RING1: variants seen among roughly 807,000 people sequenced by gnomAD.
The protein encoded by RING1 is E3 ubiquitin-protein ligase RING1.
A neutral mutation model predicts 35.0 loss-of-function variants in RING1; 8 were observed. The ratio of observed to expected loss-of-function variants is 0.23; its 90% CI spans 0.13 to 0.41. RING1 has a LOEUF of 0.41. RING1 is among the 10% of genes least tolerant of loss of function. The probability of loss-of-function intolerance (pLI) is 1.00; values close to 1 mark genes in which losing one functional copy is unlikely to be tolerated. For missense variants in RING1, 343 were observed against 546.8 expected (o/e 0.63, Z 3.72); for synonymous variants, 214 against 224.3 (o/e 0.95, Z 0.41).
chr6:33,209,635 A>G lies in RING1; in HGVS notation c.88A>G (p.Met30Val). ...ELHRTPQEAIMDGTEIAVSPR... is the reference protein window; with the variant it reads ...ELHRTPQEAIVDGTEIAVSPR... Reference sequence around the variant, plus strand: ...TCACTGATGCCTTCAGGAAGCCATAATGGATGGCACAGAGATTGCTGTTTC... The same window carrying G: ...TCACTGATGCCTTCAGGAAGCCATAGTGGATGGCACAGAGATTGCTGTTTC... Residue 30 changes from methionine (M) to valine (V), a missense_variant, in exon 3 of 7, where the codon ATG becomes GTG. Met to Val is a conservative substitution (Grantham distance 21). Around this residue, in one of 2 missense-constraint regions of RING1, gnomAD observed 65 missense variants for 163.3 expected, o/e 0.40. Transcript: ENST00000374656. This position sits in a 1 kb window ranked among gnomAD's most constrained non-coding sequence, Gnocchi z 5.1. The G allele has an allele frequency of 6.2e-7, 1 of 1,612,742 alleles. No individual in the cohort carries two copies. The highest frequency in any genetic ancestry group is 1.1e-5 in the South Asian group (1 of 91,076).
In RING1 at chr6:33,209,754, C is replaced by T. The variant is rs761056004; in HGVS notation, c.207C>T (p.Cys69=). 1 of 1,613,814 alleles carries T rather than the reference C, an allele frequency of 6.2e-7. No homozygotes were observed. ...CCAAGGAGTGCCTCCACAGATTCTG[C>T]TCTGACTGCATTGTCACAGCCCTAC... The part of the protein sequence containing the change: ...MTTKECLHRF[C]SDCIVTALRS... Residue 69 remains cysteine (C), a synonymous_variant, in exon 3 of 7, where the codon TGC becomes TGT. Coordinates refer to ENST00000374656, the MANE Select transcript of RING1 (RefSeq NM_002931.4). The surrounding 1 kb of genome is among the most constrained non-coding windows in gnomAD (Gnocchi z 5.1).
At chr6:33,210,753 A>T (rs1001766461) in intron 4 of RING1, among the ~76,000 whole-genome samples, 1 of 152,174 alleles carries the variant, frequency 6.6e-6, no homozygotes, top group Non-Finnish European at 1.5e-5. Context: ...TCAGTCTTTC[A>T]TGTGTATCCA....
In RING1 at chr6:33,209,801, A is replaced by G; in HGVS notation, c.239+15A>G. On this transcript the variant is annotated intron_variant, in intron 3 of 6. Transcript: ENST00000374656. This position sits in a 1 kb window ranked among gnomAD's most constrained non-coding sequence, Gnocchi z 5.1. ...CTACGGAGCGGGTAATAGGAGAGACATGTTTGAGATGAGATGAAGGGGTAC... is the reference window on the plus strand; with the variant it reads ...CTACGGAGCGGGTAATAGGAGAGACGTGTTTGAGATGAGATGAAGGGGTAC... 1 of 1,613,248 alleles carries G rather than the reference A, an allele frequency of 6.2e-7. No individual in the cohort carries two copies. The highest frequency in any genetic ancestry group is 2.2e-5 in the East Asian group (1 of 44,860).
At position 33,208,999 on chromosome 6, in the gene RING1, G is replaced by A; in HGVS notation, c.78+99G>A. The stretch of plus-strand genomic sequence containing the variant: ...TCTTTTCCGTAATTTGCTCTATTCT[G>A]CCTTGCCTGGCCCTACCTTTGAATC... On this transcript the variant is annotated intron_variant, in intron 2 of 6. Coordinates refer to ENST00000374656, the MANE Select transcript of RING1 (RefSeq NM_002931.4). This position sits in a 1 kb window ranked among gnomAD's most constrained non-coding sequence, Gnocchi z 6.2. 1 of 968,880 alleles carries A rather than the reference G, an allele frequency of 1.0e-6. No homozygotes were observed. The highest frequency in any genetic ancestry group is 1.4e-5 in the South Asian group (1 of 72,706). The allele number at this position is 968,880 out of a possible 1,614,324, so 60.0% of individuals were successfully genotyped here.
Position 33,211,362 on chromosome 6 carries a change from TGGTGGGGTG to T in RING1, c.668_676del (p.Val223_Gly225del). 2.0e-6 allele frequency: 2 copies of T among 986,310 alleles called. No individual in the cohort carries two copies. The highest frequency in any genetic ancestry group is 2.7e-6 in the Non-Finnish European group (2 of 748,180). The allele number at this position is 986,310 out of a possible 1,614,324, so 61.1% of individuals were successfully genotyped here. A position where few individuals can be genotyped will look rare whatever the true frequency, so the allele number is the denominator to read the frequency against. On this transcript the variant is annotated inframe_deletion, in exon 5 of 7. Coordinates refer to ENST00000374656, the MANE Select transcript of RING1 (RefSeq NM_002931.4). The surrounding 1 kb of genome is among the most constrained non-coding windows in gnomAD (Gnocchi z 6.3). ...GTGTAGGGACAGGGGGAGGCGGCAC[TGGTGGGGTG>T]GGTGGGGGTGCCGGTTCGGAAGACT...
At position 33,212,593 on chromosome 6, in the gene RING1, C is replaced by T. The variant is rs1008238979; in HGVS notation, c.*194C>T. The T allele has an allele frequency of 4.1e-6, 2 of 485,676 alleles. No homozygotes were observed. Among genetic ancestry groups the T allele is most frequent in the East Asian group, 3.1e-5 (1 of 31,874 alleles). 30.1% of individuals were successfully genotyped at this position (485,676 alleles called of 1,614,324 possible). On this transcript the variant is annotated 3_prime_UTR_variant, in exon 7 of 7. Coordinates refer to ENST00000374656, the MANE Select transcript of RING1 (RefSeq NM_002931.4). ...TTGTACAGAGTGGGGCAAAACACGCCCCCATCTGCTGCCTTTTCTATTGCC... is the reference window on the plus strand; with the variant it reads ...TTGTACAGAGTGGGGCAAAACACGCTCCCATCTGCTGCCTTTTCTATTGCC...
chr6:33,210,614 C>CAA (rs746713399), intron 4 of RING1, among the ~76,000 whole-genome samples: 16 of 116,670 alleles, frequency 1.4e-4, no homozygotes, highest in Non-Finnish European at 2.4e-4. Flanking sequence ...GGCCCTGTCA[C>CAA]AAAAAAAAAA....
Position 33,209,796 on chromosome 6 carries a change from GA to G in RING1, c.239+11del, listed in dbSNP as rs1311007137. On this transcript the variant is annotated intron_variant, in intron 3 of 6. Coordinates refer to ENST00000374656, the MANE Select transcript of RING1 (RefSeq NM_002931.4). This position sits in a 1 kb window ranked among gnomAD's most constrained non-coding sequence, Gnocchi z 5.1. Reference sequence around the variant, plus strand: ...CAGCCCTACGGAGCGGGTAATAGGAGAGACATGTTTGAGATGAGATGAAGGG... The same window carrying G: ...CAGCCCTACGGAGCGGGTAATAGGAGGACATGTTTGAGATGAGATGAAGGG... 3 of 1,613,620 alleles carry G rather than the reference GA, an allele frequency of 1.9e-6. No individual in the cohort carries two copies. The highest frequency in any genetic ancestry group is 2.5e-6 in the Non-Finnish European group (3 of 1,179,578).
chr6:33,211,078 T>A lies in RING1; in HGVS notation c.456-80T>A, dbSNP rs1775491270. The A allele has an allele frequency of 6.9e-7, 1 of 1,449,042 alleles. No individual in the cohort carries two copies. The allele number at this position is 1,449,042 out of a possible 1,614,324, so 89.8% of individuals were successfully genotyped here. A position where few individuals can be genotyped will look rare whatever the true frequency, so the allele number is the denominator to read the frequency against. On this transcript the variant is annotated intron_variant, in intron 4 of 6. Transcript: ENST00000374656. This position sits in a 1 kb window ranked among gnomAD's most constrained non-coding sequence, Gnocchi z 6.3. ...TTAGGTATCGTCATTAGGATTTTTC[T>A]TATCTCTTAATTCTCTGAAGTTTAA...
chr6:33,212,121 C>G lies in RING1; in HGVS notation c.1119+119C>G. On this transcript the variant is annotated intron_variant, in intron 6 of 6. Transcript: ENST00000374656. Reference sequence around the variant, plus strand: ...CTCTTCCCCTATACATCCTCTATCTCTTTCTATGTCCCCTCTCCTTTCCCA... The same window carrying G: ...CTCTTCCCCTATACATCCTCTATCTGTTTCTATGTCCCCTCTCCTTTCCCA... 6 of 891,656 alleles carry G rather than the reference C, an allele frequency of 6.7e-6. No individual in the cohort carries two copies. In the South Asian group the frequency reaches 1.0e-4, roughly 15 times the overall value. 55.2% of individuals were successfully genotyped at this position (891,656 alleles called of 1,614,324 possible). A position where few individuals can be genotyped will look rare whatever the true frequency, so the allele number is the denominator to read the frequency against.
Position 33,211,798 on chromosome 6 carries a change from C to G in RING1, c.915C>G (p.Leu305=), listed in dbSNP as rs144154291. ...AGTACTTGGCCCTGCGCATTGCCCT[C>G]GAGCGGAGGCAACAGCAGGAAGCAG... ...LSKYLALRIA[L]ERRQQQEAGE... is the part of the protein sequence containing the mutation. The change falls in exon 6 of 7, where the codon CTC becomes CTG. Residue 305 remains leucine, a synonymous_variant. Transcript: ENST00000374656. This position sits in a 1 kb window ranked among gnomAD's most constrained non-coding sequence, Gnocchi z 6.3. 7 of 1,602,032 alleles carry G rather than the reference C, an allele frequency of 4.4e-6. No individual in the cohort carries two copies. Among genetic ancestry groups the G allele is most frequent in the South Asian group, 3.4e-5 (3 of 89,366 alleles).
rs982336029 is a variant in RING1 at position 33,211,388 on chromosome 6, C to T, written c.686C>T (p.Ser229Leu). ...GGTGGGGTGGGTGGGGGTGCCGGTT[C>T]GGAAGACTCTGGTGACCGGGGAGGG... ...GTGGVGGGAG[S>L]EDSGDRGGTL... The change falls in exon 5 of 7, where the codon TCG becomes TTG. Residue 229 changes from serine to leucine, a missense_variant. Transcript: ENST00000374656. This position sits in a 1 kb window ranked among gnomAD's most constrained non-coding sequence, Gnocchi z 6.3. 8.6e-6 allele frequency: 13 copies of T among 1,518,312 alleles called. No homozygotes were observed. Among genetic ancestry groups the T allele is most frequent in the African/African-American group, 4.2e-5 (3 of 70,922 alleles). The allele number at this position is 1,518,312 out of a possible 1,614,324, so 94.1% of individuals were successfully genotyped here.
rs781245294 is a variant in RING1 at position 33,209,822 on chromosome 6, G to A, written c.239+36G>A. The A allele has an allele frequency of 4.4e-6, 7 of 1,609,058 alleles. No individual in the cohort carries two copies. The Admixed American group carries it at 1.0e-4, about 23-fold the overall frequency. On this transcript the variant is annotated intron_variant, in intron 3 of 6. Coordinates refer to ENST00000374656, the MANE Select transcript of RING1 (RefSeq NM_002931.4). The surrounding 1 kb of genome is among the most constrained non-coding windows in gnomAD (Gnocchi z 5.1). ...AGACATGTTTGAGATGAGATGAAGG[G>A]GTACAAAGTTAGGGCCCTCTCACTG...
At position 33,211,435 on chromosome 6, in the gene RING1, G is replaced by A. The variant is rs1173941990; in HGVS notation, c.733G>A (p.Gly245Ser). ...AGGGACTCTGGGAGGGGGAACGCTG[G>A]GCCCCCCAAGCCCTCCTGGGGCCCC... ...RGGTLGGGTLGPPSPPGAPSP... is the reference protein window; with the variant it reads ...RGGTLGGGTLSPPSPPGAPSP... Residue 245 changes from glycine to serine, a missense_variant, in exon 5 of 7, where the codon GGC becomes AGC. Physicochemically the swap from Gly to Ser is moderately conservative, Grantham distance 56. Coordinates refer to ENST00000374656, the MANE Select transcript of RING1 (RefSeq NM_002931.4). This position sits in a 1 kb window ranked among gnomAD's most constrained non-coding sequence, Gnocchi z 6.3. 1 of 1,579,180 alleles carries A rather than the reference G, an allele frequency of 6.3e-7. No homozygotes were observed. The highest frequency in any genetic ancestry group is 1.8e-5 in the Admixed American group (1 of 54,422).
Position 33,208,783 on chromosome 6 carries a change from C to T in RING1, c.-40C>T, listed in dbSNP as rs761847933. 1 of 1,534,972 alleles carries T rather than the reference C, an allele frequency of 6.5e-7. No homozygotes were observed. The highest frequency in any genetic ancestry group is 1.2e-5 in the South Asian group (1 of 81,048). ...CCCCCAGCCTTCTTCGCCTTCTCCT[C>T]GGCTGTGGAGCCCTGGTGGGGGGTC... On this transcript the variant is annotated 5_prime_UTR_variant, in exon 2 of 7. Coordinates refer to ENST00000374656, the MANE Select transcript of RING1 (RefSeq NM_002931.4). The surrounding 1 kb of genome is among the most constrained non-coding windows in gnomAD (Gnocchi z 6.2).
At position 33,211,991 on chromosome 6, in the gene RING1, G is replaced by A. The variant is rs779320607; in HGVS notation, c.1108G>A (p.Gly370Arg). 5.2e-6 allele frequency: 8 copies of A among 1,538,786 alleles called. No homozygotes were observed. The African/African-American group carries it at 6.8e-5, about 13-fold the overall frequency. ...QYTIYIAPGG[G>R]AFTTLNGSLT... The stretch of plus-strand genomic sequence containing the variant: ...CACCATCTACATCGCACCTGGAGGC[G>A]GGGCGTTCACGGTGAGAGCTTCTGA... The change falls in exon 6 of 7, where the codon GGG (glycine) becomes AGG (arginine). Residue 370 changes from glycine (G) to arginine (R), a missense_variant. By Grantham distance (125) the Gly-to-Arg change is moderately radical. Around this residue, in one of 2 missense-constraint regions of RING1, gnomAD observed 278 missense variants for 383.5 expected, o/e 0.72. Coordinates refer to ENST00000374656, the MANE Select transcript of RING1 (RefSeq NM_002931.4). The surrounding 1 kb of genome is among the most constrained non-coding windows in gnomAD (Gnocchi z 6.3).
chr6:33,211,123 G>T lies in RING1; in HGVS notation c.456-35G>T. On this transcript the variant is annotated intron_variant, in intron 4 of 6. Transcript: ENST00000374656. This position sits in a 1 kb window ranked among gnomAD's most constrained non-coding sequence, Gnocchi z 6.3. ...GTTTAAAGTCTAAGCCCTTTATCCTGGATGCCTTCTAACCTTAACCACTTG... is the reference window on the plus strand; with the variant it reads ...GTTTAAAGTCTAAGCCCTTTATCCTTGATGCCTTCTAACCTTAACCACTTG... The T allele has an allele frequency of 6.5e-7, 1 of 1,537,680 alleles. No homozygotes were observed. The highest frequency in any genetic ancestry group is 1.2e-5 in the South Asian group (1 of 80,242).
Position 33,211,916 on chromosome 6 carries a change from C to G in RING1, c.1033C>G (p.Pro345Ala). 6.3e-7 allele frequency: 1 copy of G among 1,598,152 alleles called. No individual in the cohort carries two copies. Among genetic ancestry groups the G allele is most frequent in the Non-Finnish European group, 8.5e-7 (1 of 1,172,552 alleles). ...EGGGAGGGDGPEEPALPSLEG... is the reference protein window; with the variant it reads ...EGGGAGGGDGAEEPALPSLEG... The stretch of plus-strand genomic sequence containing the variant: ...TGGGGGTGCCGGAGGAGGTGACGGT[C>G]CTGAGGAGCCTGCTTTGCCCAGCCT... Residue 345 changes from proline to alanine, a missense_variant, in exon 6 of 7, where the codon CCT (proline) becomes GCT (alanine). Physicochemically the swap from Pro to Ala is conservative, Grantham distance 27. Coordinates refer to ENST00000374656, the MANE Select transcript of RING1 (RefSeq NM_002931.4). The surrounding 1 kb of genome is among the most constrained non-coding windows in gnomAD (Gnocchi z 6.3).
rs972184318 is a variant in RING1, at chr6:33,212,679, G to T, written c.*280G>T. 5.7e-6 allele frequency: 2 copies of T among 351,172 alleles called. No homozygotes were observed. The highest frequency in any genetic ancestry group is 4.2e-5 in the African/African-American group (2 of 47,742). 21.8% of individuals were successfully genotyped at this position (351,172 alleles called of 1,614,324 possible). ...GTGAAGAACCCTCCCATTCACGCCC[G>T]CCTACCAACAACAAACGTGCTTTTT... On this transcript the variant is annotated 3_prime_UTR_variant, in exon 7 of 7. Coordinates refer to ENST00000374656, the MANE Select transcript of RING1 (RefSeq NM_002931.4).
Sources: gnomAD v4.1 joint callset for allele counts (sites outside exome capture counted in the v4.1 genomes callset) on GRCh38, gnomAD v4.1.1 for gene constraint, gnomAD v4.1.1 regional missense constraint, Gnocchi (gnomAD v3.1) non-coding constraint, MANE v1.5 for transcripts, NCBI Gene and HGNC (gene_info 2026-07-23, HGNC 2026-07-21) for gene names.